Variants in RAD51B observed in about 807,000 individuals in gnomAD.
RAD51B encodes DNA repair protein RAD51 homolog 2.
Under a neutral mutation model 42.2 loss-of-function variants are expected in RAD51B, and 38 were observed. The ratio of observed to expected loss-of-function variants is 0.90; its 90% CI spans 0.70 to 1.18. The LOEUF (loss-of-function observed/expected upper bound fraction) is 1.18, where lower values mean the gene tolerates loss of function less well. Among genes scored for constraint, RAD51B ranks in the 50% most tolerant of loss-of-function variants. The probability of loss-of-function intolerance (pLI) is 0.00; values close to 1 mark genes in which losing one functional copy is unlikely to be tolerated. For missense variants in RAD51B, 373 were observed against 400.7 expected (o/e 0.93, Z 0.59); for synonymous variants, 154 against 145.2 (o/e 1.06, Z -0.43).
At position 67,969,754 on chromosome 14, in the gene RAD51B, C is replaced by T. The variant is rs560864977; in HGVS notation, c.756+82550C>T. Among the ~76,000 whole-genome samples the T allele has an allele frequency of 2.6e-5, 4 of 152,182 alleles. No individual in the cohort carries two copies. The South Asian group carries it at 8.3e-4, about 32-fold the overall frequency. ...AAACTTATGCTATTTGTCACTTTTT[C>T]TTGAAGCATATTTATAATGATCATT... On this transcript the variant is annotated intron_variant, in intron 7 of 10. Coordinates refer to ENST00000471583, the MANE Select transcript of RAD51B (RefSeq NM_133510.4).
chr14:68,438,406 G>T (rs1330686170), intron 9 of RAD51B, among the ~76,000 whole-genome samples: 1 of 152,132 alleles, frequency 6.6e-6, no homozygotes, highest in Non-Finnish European at 1.5e-5. Context: ...ACTGAAACAG[G>T]CTGGTAAAGG....
chr14:68,502,746 G>GT (rs1486269343), intron 10 of RAD51B, among the ~76,000 whole-genome samples: 5 of 152,226 alleles, frequency 3.3e-5, no homozygotes, highest in Non-Finnish European at 5.9e-5. Context: ...TTTAAAGTGT[G>GT]TTGGCCTCTG....
At chr14:68,650,864 C>T (rs750791300) in intron 11 of RAD51B, 1 of 751,524 alleles carries the variant, frequency 1.3e-6, no homozygotes, top group South Asian at 1.4e-5. Flanking sequence ...CAGGTATGAA[C>T]AAAATAGCAT....
chr14:68,214,255 T>C (rs575602605), intron 7 of RAD51B, among the ~76,000 whole-genome samples: 1 of 152,334 alleles, frequency 6.6e-6, no homozygotes, highest in South Asian at 2.1e-4. Flanking sequence ...CTTTTTGGTA[T>C]CCTTGAAGTG....
chr14:68,154,060 A>C (rs1247875202), intron 7 of RAD51B, among the ~76,000 whole-genome samples: 1 of 152,150 alleles, frequency 6.6e-6, no homozygotes, highest in Admixed American at 6.5e-5. Flanking sequence ...GTCAGTTCTG[A>C]GTTAATTTCA....
chr14:68,506,825 G>A (rs1218205148), intron 10 of RAD51B, among the ~76,000 whole-genome samples: 1 of 152,160 alleles, frequency 6.6e-6, no homozygotes, highest in Non-Finnish European at 1.5e-5. Flanking sequence ...GGGTATGTGT[G>A]CACACATGGT....
At chr14:68,633,586 C>T (rs1329478326) in intron 10 of RAD51B, among the ~76,000 whole-genome samples, 1 of 152,214 alleles carries the variant, frequency 6.6e-6, no homozygotes, top group Admixed American at 6.5e-5. Flanking sequence ...GGGAAGTTAG[C>T]TCTGTTCTCC....
chr14:67,999,041 A>C (rs2075434094), intron 7 of RAD51B, among the ~76,000 whole-genome samples: 1 of 151,444 alleles, frequency 6.6e-6, no homozygotes, highest in South Asian at 2.1e-4. Context: ...AGACCTCTGT[A>C]CTCTGCTTGG....
At chr14:68,541,646 G>A (rs1887973901) in intron 10 of RAD51B, 1 of 985,326 alleles carries the variant, frequency 1.0e-6, no homozygotes, top group Admixed American at 6.1e-5. Flanking sequence ...AAGCTGTATT[G>A]TCAGTGCAAT....
At chr14:67,888,013 G>A (rs969465973) in intron 7 of RAD51B, among the ~76,000 whole-genome samples, 11 of 152,034 alleles carry the variant, frequency 7.2e-5, no homozygotes, top group African/African-American at 2.2e-4. Flanking sequence ...ATTTGGTTAT[G>A]ATTTTATAAT....
At chr14:68,029,950 C>G (rs979982668) in intron 7 of RAD51B, among the ~76,000 whole-genome samples, 1 of 152,208 alleles carries the variant, frequency 6.6e-6, no homozygotes, top group Non-Finnish European at 1.5e-5. Flanking sequence ...TCTATTAGAG[C>G]TCTTGGTTGA....
At chr14:68,663,057 G>A (rs950579767) in intron 11 of RAD51B, among the ~76,000 whole-genome samples, 1 of 152,196 alleles carries the variant, frequency 6.6e-6, no homozygotes, top group African/African-American at 2.4e-5. Flanking sequence ...TCCCAGCACT[G>A]TGGGAAGCCA....
At chr14:68,431,261 C>G (rs1190938823) in intron 9 of RAD51B, among the ~76,000 whole-genome samples, 1 of 152,140 alleles carries the variant, frequency 6.6e-6, no homozygotes, top group Non-Finnish European at 1.5e-5. Flanking sequence ...TGATGCTGGC[C>G]TCATAAAATG....
chr14:68,493,260 T>C (rs1348222529), intron 10 of RAD51B, among the ~76,000 whole-genome samples: 1 of 152,238 alleles, frequency 6.6e-6, no homozygotes, highest in Non-Finnish European at 1.5e-5. Flanking sequence ...AGCTTTGTGC[T>C]CAAAATCTCA....
At chr14:67,923,646 T>A (rs1288446161) in intron 7 of RAD51B, among the ~76,000 whole-genome samples, 2 of 152,224 alleles carry the variant, frequency 1.3e-5, no homozygotes, top group Non-Finnish European at 2.9e-5. Context: ...GCATTTGGGC[T>A]GGTTTCATAT....
At chr14:68,115,512 A>T (rs565629572) in intron 7 of RAD51B, among the ~76,000 whole-genome samples, 7 of 138,242 alleles carry the variant, frequency 5.1e-5, no homozygotes, top group East Asian at 4.2e-4. Flanking sequence ...AACCTGCACA[A>T]TGTGCACATG....
chr14:68,591,448 T>G (rs1890736168), intron 10 of RAD51B, among the ~76,000 whole-genome samples: 1 of 152,230 alleles, frequency 6.6e-6, no homozygotes, highest in Non-Finnish European at 1.5e-5. Context: ...AAATCCCTTC[T>G]GAATACACAC....
chr14:67,972,143 C>T (rs1236684049), intron 7 of RAD51B, among the ~76,000 whole-genome samples: 1 of 151,518 alleles, frequency 6.6e-6, no homozygotes, highest in Non-Finnish European at 1.5e-5. Context: ...TAGTACTTCT[C>T]AGTCTTGTCT....
chr14:68,358,161 T>C (rs2082946469), intron 8 of RAD51B, among the ~76,000 whole-genome samples: 2 of 152,124 alleles, frequency 1.3e-5, no homozygotes. Context: ...AGATCACTGA[T>C]CATAGATCAC....
Sources: allele counts gnomAD v4.1 joint callset (sites outside exome capture counted in the v4.1 genomes callset), GRCh38; gene constraint gnomAD v4.1.1; transcripts MANE v1.5; gene names NCBI Gene and HGNC (gene_info 2026-07-23, HGNC 2026-07-21).